SETBP1: variants seen among roughly 807,000 people sequenced by gnomAD.
The protein encoded by SETBP1 is SET binding protein 1, also known as SET-binding protein.
A neutral mutation model predicts 101.0 loss-of-function variants in SETBP1; 9 were observed. That is an observed-to-expected ratio of 0.09 (90% CI 0.05 to 0.16). The LOEUF (loss-of-function observed/expected upper bound fraction) is 0.16, where lower values mean the gene tolerates loss of function less well. Ranked by LOEUF, SETBP1 falls within the 10% of genes least tolerant of loss-of-function variation. The probability of loss-of-function intolerance (pLI) is 1.00; values close to 1 mark genes in which losing one functional copy is unlikely to be tolerated. For missense variants in SETBP1, 1,858 were observed against 2,033.8 expected (o/e 0.91, Z 1.66); for synonymous variants, 818 against 788.5 (o/e 1.04, Z -0.63).
At chr18:44,701,001 T>C (rs1201236066) in intron 1 of SETBP1, among the ~76,000 whole-genome samples, 174 bp from the exon 2 acceptor site, 2 of 152,218 alleles carry the variant, frequency 1.3e-5, no homozygotes, top group Non-Finnish European at 2.9e-5. Flanking sequence ...TGTTTTTCCC[T>C]CTGCTCTAGT....
At chr18:44,929,773 G>T (rs1203761156) in intron 3 of SETBP1, among the ~76,000 whole-genome samples, 9 of 152,092 alleles carry the variant, frequency 5.9e-5, no homozygotes, top group Non-Finnish European at 1.0e-4. Flanking sequence ...TGTGATTTTT[G>T]CACATTGATT....
intron 4 of SETBP1, among the ~76,000 whole-genome samples, chr18:44,983,357 T>G (rs1053012596): frequency 2.0e-5 from 3 of 152,190 alleles, no homozygotes; most frequent in Non-Finnish European, 4.4e-5. Context: ...CTATTCTAAG[T>G]GTTTCGTATG....
chr18:44,897,263 C>A (rs1305987492), intron 3 of SETBP1, among the ~76,000 whole-genome samples: 1 of 152,156 alleles, frequency 6.6e-6, no homozygotes, highest in Non-Finnish European at 1.5e-5. Flanking sequence ...GCTTCCCTAT[C>A]CCACGCTGTC....
intron 2 of SETBP1, among the ~76,000 whole-genome samples, chr18:44,748,629 G>A (rs978420067): frequency 1.3e-5 from 2 of 151,916 alleles, no homozygotes; most frequent in African/African-American, 2.4e-5. Flanking sequence ...GGTTGTGCGT[G>A]TGCAGGCACC....
chr18:44,902,837 T>A (rs11876514), intron 3 of SETBP1, among the ~76,000 whole-genome samples: 1 of 151,862 alleles, frequency 6.6e-6, no homozygotes, highest in African/African-American at 2.4e-5. Context: ...AAAATATGGA[T>A]CTCAAAAATT....
chr18:45,001,505 G>A (rs753619532), intron 4 of SETBP1, among the ~76,000 whole-genome samples: 9 of 152,252 alleles, frequency 5.9e-5, no homozygotes, highest in Admixed American at 2.0e-4. Context: ...TAGGCTGCCC[G>A]AAGAGGTGGG....
chr18:44,768,620 T>C (rs1258082584), intron 2 of SETBP1, among the ~76,000 whole-genome samples: 1 of 152,248 alleles, frequency 6.6e-6, no homozygotes, highest in Non-Finnish European at 1.5e-5. Flanking sequence ...GGGTGTTTTG[T>C]TCTTTTCCTT....
chr18:45,055,516 G>A (rs1189110517), intron 5 of SETBP1, among the ~76,000 whole-genome samples: 1 of 151,938 alleles, frequency 6.6e-6, no homozygotes, highest in Non-Finnish European at 1.5e-5. Flanking sequence ...TTTTTAAGGA[G>A]AGCCAAGCAA....
At chr18:44,998,862 T>G (rs1275986856) in intron 4 of SETBP1, among the ~76,000 whole-genome samples, 1 of 152,248 alleles carries the variant, frequency 6.6e-6, no homozygotes, top group Non-Finnish European at 1.5e-5. Context: ...CACTTGTTAC[T>G]CTACCATTTT....
intron 2 of SETBP1, among the ~76,000 whole-genome samples, chr18:44,751,356 T>G (rs1053688875): frequency 1.3e-5 from 2 of 152,172 alleles, no homozygotes; most frequent in Non-Finnish European, 2.9e-5. Flanking sequence ...GTTTGAGAGA[T>G]AGAGCAGAGA....
chr18:44,708,627 C>T (rs1366041707), intron 2 of SETBP1, among the ~76,000 whole-genome samples: 1 of 152,112 alleles, frequency 6.6e-6, no homozygotes, highest in Non-Finnish European at 1.5e-5. Flanking sequence ...AGGGAAAGAA[C>T]CTTGGCCTTG....
chr18:45,066,254 A>C lies in SETBP1; in HGVS notation c.*2556A>C, dbSNP rs909764282. ...CAGCAGAGTTGCAACTTACACGTGA[A>C]TTCTGGTCTATAGTGGTCATGTGAG... On this transcript the variant is annotated 3_prime_UTR_variant, in exon 6 of 6. Transcript: ENST00000649279. 6.6e-6 allele frequency: 1 copy of C among 152,202 alleles called. No individual in the cohort carries two copies. Among genetic ancestry groups the C allele is most frequent in the African/African-American group, 2.4e-5 (1 of 41,450 alleles). 9.4% of individuals were successfully genotyped at this position (152,202 alleles called of 1,614,324 possible).
intron 4 of SETBP1, among the ~76,000 whole-genome samples, chr18:44,971,796 A>G (rs1424798906): frequency 1.3e-5 from 2 of 152,074 alleles, no homozygotes; most frequent in Non-Finnish European, 2.9e-5. Flanking sequence ...AGATGAGTAG[A>G]TTGCAAAAAT....
intron 2 of SETBP1, among the ~76,000 whole-genome samples, chr18:44,725,902 A>T (rs2069696398): frequency 6.6e-6 from 1 of 152,130 alleles, no homozygotes; most frequent in African/African-American, 2.4e-5. Context: ...TTACTTAGAA[A>T]TCTATGGTTA....
intron 4 of SETBP1, among the ~76,000 whole-genome samples, chr18:45,000,539 C>A (rs1386544238): frequency 6.6e-6 from 1 of 152,014 alleles, no homozygotes; most frequent in Non-Finnish European, 1.5e-5. Context: ...TCACCACCAC[C>A]AAATCTGTTG....
intron 2 of SETBP1, among the ~76,000 whole-genome samples, chr18:44,841,611 C>T (rs963045079): frequency 3.3e-5 from 5 of 152,190 alleles, no homozygotes; most frequent in African/African-American, 4.8e-5. Flanking sequence ...AGTTCAGTGC[C>T]TCATCAACTA....
Position 44,701,411 on chromosome 18 carries a change from T to A in SETBP1, c.65T>A (p.Val22Asp), listed in dbSNP as rs185998256. Reference sequence around the variant, plus strand: ...GGGGGCGAGTCAGACTTCCTGCCGGTCTCCTCAGCCAAGCCCCCAGCTGCT... The same window carrying A: ...GGGGGCGAGTCAGACTTCCTGCCGGACTCCTCAGCCAAGCCCCCAGCTGCT... ...QRGGESDFLP[V>D]SSAKPPAAPG... Residue 22 changes from valine (V) to aspartate (D), a missense_variant, in exon 2 of 6, where the codon GTC becomes GAC. Physicochemically the swap from Val to Asp is radical, Grantham distance 152. Around this residue, in one of 12 missense-constraint regions of SETBP1, gnomAD observed 97 missense variants for 101.2 expected, o/e 0.96. Transcript: ENST00000649279. 1 of 1,582,414 alleles carries A rather than the reference T, an allele frequency of 6.3e-7. No individual in the cohort carries two copies. Among genetic ancestry groups the A allele is most frequent in the Admixed American group, 1.8e-5 (1 of 54,878 alleles).
intron 1 of SETBP1, among the ~76,000 whole-genome samples, chr18:44,682,674 G>A (rs2144083657): frequency 6.6e-6 from 1 of 152,260 alleles, no homozygotes; most frequent in Non-Finnish European, 1.5e-5. Context: ...GTCGGAAGAG[G>A]AGGAAGAAAT....
At chr18:44,946,530 T>C (rs1294117361) in intron 3 of SETBP1, among the ~76,000 whole-genome samples, 1 of 152,244 alleles carries the variant, frequency 6.6e-6, no homozygotes, top group African/African-American at 2.4e-5. Flanking sequence ...TAAGCTCCTT[T>C]CATCTCTAAG....
Sources: allele counts gnomAD v4.1 joint callset (sites outside exome capture counted in the v4.1 genomes callset), GRCh38; gene constraint gnomAD v4.1.1; regional missense constraint gnomAD v4.1.1; transcripts MANE v1.5; gene names NCBI Gene and HGNC (gene_info 2026-07-23, HGNC 2026-07-21).